IKBKB-DT: variants seen among roughly 807,000 people sequenced by gnomAD.
The protein encoded by IKBKB-DT is IKBKB antisense RNA.
intron 3 of IKBKB-DT, among the ~76,000 whole-genome samples, chr8:42,257,360 G>A (rs1365188963): frequency 6.6e-6 from 1 of 151,948 alleles, no homozygotes; most frequent in Non-Finnish European, 1.5e-5. Flanking sequence ...AAATTAGCTG[G>A]GTGTGGTGGC....
chr8:42,253,082 T>G (rs1236531223), intron 3 of IKBKB-DT, among the ~76,000 whole-genome samples: 2 of 152,212 alleles, frequency 1.3e-5, no homozygotes, highest in South Asian at 4.1e-4. Flanking sequence ...GTCTAGCACC[T>G]TTTAAAGATC....
chr8:42,237,161 G>C (rs1455362021), intron 3 of IKBKB-DT, among the ~76,000 whole-genome samples: 4 of 151,608 alleles, frequency 2.6e-5, no homozygotes, highest in Admixed American at 2.6e-4. Flanking sequence ...ATCTCGGCTT[G>C]CTGCAATCTC....
chr8:42,265,698 C>G (rs1172039964), exon 2 of IKBKB-DT: 1 of 152,254 alleles, frequency 6.6e-6, no homozygotes, highest in Non-Finnish European at 1.5e-5. Context: ...CCTTTCATGA[C>G]TTCTTCCTCT....
At chr8:42,254,218 A>C (rs1414075617) in intron 3 of IKBKB-DT, among the ~76,000 whole-genome samples, 2 of 152,376 alleles carry the variant, frequency 1.3e-5, no homozygotes, top group East Asian at 1.9e-4. Flanking sequence ...TTACAGGTGC[A>C]TAATAGTTTT....
intron 1 of IKBKB-DT, among the ~76,000 whole-genome samples, chr8:42,267,010 T>G (rs1236695086): frequency 3.4e-5 from 5 of 147,400 alleles, no homozygotes; most frequent in Non-Finnish European, 5.9e-5. Flanking sequence ...TTTTGTTTTT[T>G]TTTTTTTTGA....
At chr8:42,247,716 A>G (rs1232849551) in intron 3 of IKBKB-DT, among the ~76,000 whole-genome samples, 2 of 152,174 alleles carry the variant, frequency 1.3e-5, no homozygotes, top group East Asian at 3.8e-4. Flanking sequence ...TTCCCATGAT[A>G]GTGAGGGAGT....
chr8:42,249,875 G>A (rs570382747), intron 3 of IKBKB-DT, among the ~76,000 whole-genome samples: 2 of 151,980 alleles, frequency 1.3e-5, no homozygotes, highest in Non-Finnish European at 2.9e-5. Flanking sequence ...TCAGGAGTTC[G>A]AGACCAGCTT....
intron 3 of IKBKB-DT, among the ~76,000 whole-genome samples, chr8:42,260,180 G>C (rs1056036887): frequency 6.6e-6 from 1 of 152,092 alleles, no homozygotes; most frequent in African/African-American, 2.4e-5. Flanking sequence ...CAACCATAGG[G>C]AAGTGACAGA....
At chr8:42,237,080 G>GT (rs56990936) in intron 3 of IKBKB-DT, among the ~76,000 whole-genome samples, 13,746 of 140,298 alleles carry the variant, frequency 0.098, 2,004 homozygotes, top group African/African-American at 0.34. Flanking sequence ...AGAAGGCTCA[G>GT]TTTTTTTTTT....
At chr8:42,251,235 C>T (rs771195513) in intron 3 of IKBKB-DT, among the ~76,000 whole-genome samples, 12 of 152,220 alleles carry the variant, frequency 7.9e-5, no homozygotes, top group Admixed American at 2.6e-4. Context: ...GGAACAATGG[C>T]GAGAGCACAC....
intron 1 of IKBKB-DT, among the ~76,000 whole-genome samples, chr8:42,268,263 T>C (rs1334386731): frequency 6.6e-6 from 1 of 151,052 alleles, no homozygotes; most frequent in Admixed American, 6.6e-5. Context: ...GCCTCCCGAG[T>C]AGCTTGGATT....
intron 3 of IKBKB-DT, among the ~76,000 whole-genome samples, chr8:42,257,874 A>G (rs1215485998): frequency 6.6e-6 from 1 of 152,056 alleles, no homozygotes; most frequent in Non-Finnish European, 1.5e-5. Context: ...TCAGTTATCC[A>G]TTTAACCAAA....
At chr8:42,236,462 C>T (rs1806922696) in intron 3 of IKBKB-DT, among the ~76,000 whole-genome samples, 1 of 152,144 alleles carries the variant, frequency 6.6e-6, no homozygotes, top group African/African-American at 2.4e-5. Context: ...ATTTAAAACT[C>T]TTGATTAAAA....
intron 3 of IKBKB-DT, among the ~76,000 whole-genome samples, chr8:42,259,680 A>G (rs1223283274): frequency 6.6e-6 from 1 of 152,116 alleles, no homozygotes; most frequent in Non-Finnish European, 1.5e-5. Flanking sequence ...ATGGCATTGC[A>G]ATAAAGTACG....
intron 3 of IKBKB-DT, among the ~76,000 whole-genome samples, chr8:42,251,731 T>C (rs976461902): frequency 2.7e-5 from 4 of 147,722 alleles, no homozygotes; most frequent in Non-Finnish European, 5.9e-5. Context: ...CTAGGGAGGG[T>C]GAGACAGGAG....
intron 1 of IKBKB-DT, among the ~76,000 whole-genome samples, chr8:42,270,134 C>G (rs757749203): frequency 5.5e-4 from 84 of 152,176 alleles, no homozygotes; most frequent in Non-Finnish European, 5.1e-4. Flanking sequence ...GATTAAGAAC[C>G]CGGGAACCAG....
chr8:42,248,095 A>G (rs10092848), intron 3 of IKBKB-DT, among the ~76,000 whole-genome samples: 7,157 of 140,374 alleles, frequency 0.051, 505 homozygotes, highest in African/African-American at 0.17. Flanking sequence ...TCCGTCTCGG[A>G]AAAAAAAAAA....
intron 3 of IKBKB-DT, among the ~76,000 whole-genome samples, chr8:42,262,426 T>TTTTA (rs57144579): frequency 0.062 from 8,943 of 144,320 alleles, 330 homozygotes; most frequent in South Asian, 0.14. Context: ...TACCACATTC[T>TTTTA]TTTATTTATT....
At position 42,235,120 on chromosome 8, in the gene IKBKB-DT, A is replaced by G. The variant is rs187295638; in HGVS notation, n.1530-1261T>C. Among the ~76,000 whole-genome samples the G allele has an allele frequency of 6.8e-5, 10 of 146,626 alleles. No homozygotes were observed. In the East Asian group the frequency reaches 1.4e-3, roughly 20 times the overall value. ...TAACATCACTACTCTAGAACCTAAC[A>G]TTGGCCTTTTGATGTCAATTTTTTT... On this transcript the variant is annotated intron_variant and non_coding_transcript_variant, in intron 3 of 3. Coordinates refer to ENST00000518213, the Ensembl canonical transcript of IKBKB-DT.
Sources: allele counts gnomAD v4.1 joint callset (sites outside exome capture counted in the v4.1 genomes callset), GRCh38; gene constraint gnomAD v4.1.1; transcripts MANE v1.5; gene names NCBI Gene and HGNC (gene_info 2026-07-23, HGNC 2026-07-21).